Variants in NRXN1 observed in about 807,000 individuals in gnomAD.
NRXN1 encodes neurexin 1.
Under a neutral mutation model 150.9 loss-of-function variants are expected in NRXN1, and 39 were observed. The ratio of observed to expected loss-of-function variants is 0.26; its 90% confidence interval spans 0.20 to 0.34. The LOEUF (loss-of-function observed/expected upper bound fraction) is 0.34. NRXN1 is among the 10% of genes least tolerant of loss of function. The probability of loss-of-function intolerance (pLI) is 1.00; values close to 1 mark genes in which losing one functional copy is unlikely to be tolerated. For missense variants in NRXN1, 1,815 were observed against 1,949.9 expected (o/e 0.93, Z 1.30); for synonymous variants, 924 against 757.0 (o/e 1.22, Z -3.62).
intron 17 of NRXN1, among the ~76,000 whole-genome samples, chr2:50,280,496 G>C (rs1342434741): frequency 6.6e-6 from 1 of 152,056 alleles, no homozygotes; most frequent in Non-Finnish European, 1.5e-5. Context: ...GAGTTTAACA[G>C]GCTGGGGTTG....
At chr2:50,694,865 T>TA (rs1303137276) in intron 5 of NRXN1, among the ~76,000 whole-genome samples, 5 of 152,184 alleles carry the variant, frequency 3.3e-5, no homozygotes, top group African/African-American at 4.8e-5. Context: ...CCTTGGCTTA[T>TA]AAAAAATTAA....
chr2:49,938,468 C>T (rs1200251298), intron 22 of NRXN1, among the ~76,000 whole-genome samples: 3 of 152,146 alleles, frequency 2.0e-5, no homozygotes, highest in Non-Finnish European at 4.4e-5. Flanking sequence ...GTACTGATGA[C>T]CTCACCTCCT....
chr2:50,610,642 CATATATAT>C (rs71404969), intron 8 of NRXN1, among the ~76,000 whole-genome samples: 619 of 42,874 alleles, frequency 0.014, 33 homozygotes, highest in African/African-American at 0.038. Flanking sequence ...TAAATAGATA[CATATATAT>C]ATATATATAT....
chr2:50,152,176 T>C (rs983952981), intron 18 of NRXN1, among the ~76,000 whole-genome samples: 2 of 151,684 alleles, frequency 1.3e-5, no homozygotes, highest in Non-Finnish European at 3.0e-5. Flanking sequence ...CAAAACTCTA[T>C]TCCCACTAAA....
intron 17 of NRXN1, among the ~76,000 whole-genome samples, chr2:50,428,731 C>T (rs1042524783): frequency 1.3e-5 from 2 of 152,128 alleles, no homozygotes; most frequent in South Asian, 2.1e-4. Flanking sequence ...CAACAGATAA[C>T]GATAGACCTT....
chr2:50,645,867 A>G (rs1684747054), intron 5 of NRXN1, among the ~76,000 whole-genome samples: 2 of 151,908 alleles, frequency 1.3e-5, no homozygotes, highest in African/African-American at 4.8e-5. Flanking sequence ...TTCCCAGTCT[A>G]AGGAGAGAAA....
At chr2:50,402,711 G>A (rs1293741291) in intron 17 of NRXN1, among the ~76,000 whole-genome samples, 1 of 152,086 alleles carries the variant, frequency 6.6e-6, no homozygotes, top group Non-Finnish European at 1.5e-5. Context: ...TGGGACGAAT[G>A]GGGGAAGGAT....
intron 22 of NRXN1, among the ~76,000 whole-genome samples, chr2:49,937,619 C>T (rs1038793002): frequency 5.9e-5 from 9 of 152,126 alleles, no homozygotes; most frequent in African/African-American, 1.9e-4. Flanking sequence ...TGCCCCATCC[C>T]GCACCTGAAT....
At chr2:50,581,253 G>A (rs1395802747) in intron 8 of NRXN1, among the ~76,000 whole-genome samples, 1 of 152,094 alleles carries the variant, frequency 6.6e-6, no homozygotes, top group Non-Finnish European at 1.5e-5. Flanking sequence ...AAAATGTTTG[G>A]CTAGTGAAAA....
At chr2:50,408,551 A>G (rs1415587939) in intron 17 of NRXN1, among the ~76,000 whole-genome samples, 1 of 152,194 alleles carries the variant, frequency 6.6e-6, no homozygotes, top group African/African-American at 2.4e-5. Context: ...ATATTTGTTG[A>G]AAGAATGACA....
intron 8 of NRXN1, among the ~76,000 whole-genome samples, chr2:50,605,253 G>A (rs1676901859): frequency 6.6e-6 from 1 of 152,082 alleles, no homozygotes; most frequent in South Asian, 2.1e-4. Flanking sequence ...TGAATTAAAG[G>A]CATTGTAATT....
Position 50,552,692 on chromosome 2 carries a change from G to A in NRXN1, c.1654C>T (p.Leu552Phe). 1.2e-6 allele frequency: 2 copies of A among 1,613,930 alleles called. No homozygotes were observed. The highest frequency in any genetic ancestry group is 1.7e-6 in the Non-Finnish European group (2 of 1,179,828). ...GTACCTGACCCCATGTCCAGGAGGA[G>A]GTAGAGGTGGCCATCTAGCATCTCA... ...AIEMLDGHLY[L>F]LLDMGSGTIK... Residue 552 changes from leucine (L) to phenylalanine (F), a missense_variant, in exon 9 of 23, where the codon CTC becomes TTC. Leu to Phe is a conservative substitution (Grantham distance 22). Coordinates refer to ENST00000401669, the MANE Select transcript of NRXN1 (RefSeq NM_001330078.2).
chr2:50,278,276 T>TAC (rs1491579796), intron 17 of NRXN1, among the ~76,000 whole-genome samples: 2 of 61,012 alleles, frequency 3.3e-5, no homozygotes, highest in Middle Eastern at 8.2e-3. Flanking sequence ...ATATATGTAT[T>TAC]ATATATATAA....
At chr2:50,180,637 T>A (rs900050494) in intron 18 of NRXN1, among the ~76,000 whole-genome samples, 1 of 152,120 alleles carries the variant, frequency 6.6e-6, no homozygotes, top group Non-Finnish European at 1.5e-5. Context: ...CTCTGGGGGA[T>A]ACAGCACTCG....
chr2:50,119,177 T>C (rs1457527824), intron 18 of NRXN1, among the ~76,000 whole-genome samples: 1 of 152,190 alleles, frequency 6.6e-6, no homozygotes, highest in Non-Finnish European at 1.5e-5. Flanking sequence ...CATCAACTTT[T>C]GTCTAGTTTA....
intron 18 of NRXN1, among the ~76,000 whole-genome samples, chr2:50,155,540 A>G (rs923445164): frequency 6.6e-6 from 1 of 151,616 alleles, no homozygotes; most frequent in Admixed American, 6.6e-5. Flanking sequence ...TAAGAGTACA[A>G]ATTGTTATAT....
At chr2:50,694,109 G>A (rs553310208) in intron 5 of NRXN1, among the ~76,000 whole-genome samples, 3 of 152,250 alleles carry the variant, frequency 2.0e-5, no homozygotes, top group African/African-American at 7.2e-5. Flanking sequence ...ATTTTATTTT[G>A]AGGTTTAGGG....
intron 5 of NRXN1, among the ~76,000 whole-genome samples, chr2:50,821,046 G>T (rs546190717): frequency 6.6e-6 from 1 of 152,086 alleles, no homozygotes; most frequent in Non-Finnish European, 1.5e-5. Flanking sequence ...TATTTATTTA[G>T]GACTTGGCAG....
At chr2:50,163,267 C>G (rs1423175252) in intron 18 of NRXN1, among the ~76,000 whole-genome samples, 2 of 151,278 alleles carry the variant, frequency 1.3e-5, no homozygotes, top group Non-Finnish European at 2.9e-5. Flanking sequence ...AGCAGACGTC[C>G]AATGATACAC....
Sources: allele counts gnomAD v4.1 joint callset (sites outside exome capture counted in the v4.1 genomes callset), GRCh38; gene constraint gnomAD v4.1.1; transcripts MANE v1.5; gene names NCBI Gene and HGNC (gene_info 2026-07-23, HGNC 2026-07-21).